The following SYNDIG1L variants were observed in gnomAD, a reference collection of about 807,000 sequenced individuals.
SYNDIG1L encodes synapse differentiation-inducing gene protein 1-like.
A neutral mutation model predicts 20.1 loss-of-function variants in SYNDIG1L; 13 were observed. The ratio of observed to expected loss-of-function variants is 0.65; its 90% confidence interval spans 0.42 to 1.03. The LOEUF (loss-of-function observed/expected upper bound fraction) is 1.03. Ranked by LOEUF, SYNDIG1L falls within the 50% of genes least tolerant of loss-of-function variation. SYNDIG1L has a pLI of 0.00. For synonymous variants in SYNDIG1L, 128 were observed against 129.3 expected (o/e 0.99, Z 0.07); for missense variants, 294 against 305.1 (o/e 0.96, Z 0.27).
the SYNDIG1L span, among the ~76,000 whole-genome samples, chr14:74,460,550 G>T: frequency 1.3e-5 from 2 of 152,224 alleles, no homozygotes; most frequent in African/African-American, 4.8e-5. Context: ...GCCTGTGACA[G>T]CGCTGGTCCA....
the SYNDIG1L span, among the ~76,000 whole-genome samples, chr14:74,431,223 A>G: frequency 6.6e-6 from 1 of 151,932 alleles, no homozygotes; most frequent in African/African-American, 2.4e-5. Context: ...GCATGTGTGT[A>G]TTTTTGCATG....
At chr14:74,436,530 C>T in the SYNDIG1L span, among the ~76,000 whole-genome samples, 65 of 152,014 alleles carry the variant, frequency 4.3e-4, no homozygotes, top group Non-Finnish European at 5.9e-4. Context: ...TGAGCCACCA[C>T]GTCTGGCCAA....
chr14:74,477,127 A>G, the SYNDIG1L span, among the ~76,000 whole-genome samples: 3 of 144,726 alleles, frequency 2.1e-5, no homozygotes, highest in African/African-American at 7.9e-5. Context: ...CAACACACAC[A>G]CACACACACA....
At chr14:74,422,716 C>T (rs1595199358) in intron 1 of SYNDIG1L, among the ~76,000 whole-genome samples, 1 of 142,774 alleles carries the variant, frequency 7.0e-6, no homozygotes. Context: ...TTTCCTTTCT[C>T]TCTTTTTTTT....
the SYNDIG1L span, among the ~76,000 whole-genome samples, chr14:74,432,140 G>GGTGT: frequency 0.11 from 13,016 of 120,830 alleles, 934 homozygotes; most frequent in Middle Eastern, 0.14. Flanking sequence ...TGCCTTGGAA[G>GGTGT]GTGTGTGTGT....
the SYNDIG1L span, among the ~76,000 whole-genome samples, chr14:74,439,131 A>AAG: frequency 6.6e-6 from 1 of 151,800 alleles, no homozygotes; most frequent in Non-Finnish European, 1.5e-5. Flanking sequence ...AAAAAAAAAA[A>AAG]AAAGGCTCAG....
rs140580043 is a variant in SYNDIG1L at position 74,414,725 on chromosome 14, T to C, written c.-57-4924A>G. 3.6e-3 allele frequency among the ~76,000 whole-genome samples: 552 copies of C among 152,330 alleles called. 3 individuals carry two copies. Among genetic ancestry groups the C allele is most frequent in the African/African-American group, 0.012 (515 of 41,570 alleles). On this transcript the variant is annotated intron_variant, in intron 1 of 3. Transcript: ENST00000331628. ...CTTACACTTACTGAGTTTTTGACCA[T>C]GTGCCGGGAACTGTTCTAAATGCTC...
chr14:74,414,195 C>T (rs1389609283), intron 1 of SYNDIG1L, among the ~76,000 whole-genome samples: 10 of 152,208 alleles, frequency 6.6e-5, no homozygotes, highest in Non-Finnish European at 4.4e-5. Context: ...TGAGGACCTA[C>T]GGGTGAGTGT....
chr14:74,444,703 A>T, the SYNDIG1L span, among the ~76,000 whole-genome samples: 1 of 152,018 alleles, frequency 6.6e-6, no homozygotes, highest in Non-Finnish European at 1.5e-5. Flanking sequence ...GCGAGTCAAG[A>T]TTGTGCCACT....
chr14:74,423,715 C>G (rs74060986), intron 1 of SYNDIG1L, among the ~76,000 whole-genome samples: 1 of 142,540 alleles, frequency 7.0e-6, no homozygotes, highest in African/African-American at 2.6e-5. Context: ...CACACACACA[C>G]GTAACACAAA....
the SYNDIG1L span, among the ~76,000 whole-genome samples, chr14:74,478,566 G>T: frequency 1.2e-4 from 18 of 152,322 alleles, no homozygotes; most frequent in South Asian, 3.5e-3. Flanking sequence ...GGGCAGAGGA[G>T]TATGCAGGGT....
intron 1 of SYNDIG1L, among the ~76,000 whole-genome samples, chr14:74,420,086 A>G (rs1385036394): frequency 6.6e-6 from 1 of 152,054 alleles, no homozygotes; most frequent in Non-Finnish European, 1.5e-5. Flanking sequence ...GAGTCCTGTT[A>G]AGAAACTATT....
chr14:74,455,020 C>T, the SYNDIG1L span, among the ~76,000 whole-genome samples: 2 of 152,176 alleles, frequency 1.3e-5, no homozygotes, highest in East Asian at 1.9e-4. Context: ...GTTGGTGAGC[C>T]TCATCCAATC....
chr14:74,477,020 T>C, the SYNDIG1L span, among the ~76,000 whole-genome samples: 1 of 141,648 alleles, frequency 7.1e-6, no homozygotes. Flanking sequence ...CAACCCTGTC[T>C]CCCCCCAGCC....
intron 1 of SYNDIG1L, among the ~76,000 whole-genome samples, chr14:74,419,106 C>T (rs1476061167): frequency 3.3e-5 from 5 of 152,124 alleles, no homozygotes; most frequent in African/African-American, 7.2e-5. Context: ...TTGTCAGAAG[C>T]TTCACTCACA....
At chr14:74,422,688 C>CT (rs1041626717) in intron 1 of SYNDIG1L, among the ~76,000 whole-genome samples, 1 of 148,794 alleles carries the variant, frequency 6.7e-6, no homozygotes, top group African/African-American at 2.5e-5. Context: ...CACAATTTCT[C>CT]TTTTTTTTCT....
intron 2 of SYNDIG1L, among the ~76,000 whole-genome samples, chr14:74,408,787 GA>G (rs1389053575): frequency 6.6e-6 from 1 of 152,006 alleles, no homozygotes; most frequent in African/African-American, 2.4e-5. Flanking sequence ...TGGGCTGGGG[GA>G]AAATGTGAAT....
the SYNDIG1L span, among the ~76,000 whole-genome samples, chr14:74,459,557 G>A: frequency 6.6e-6 from 1 of 152,164 alleles, no homozygotes; most frequent in Non-Finnish European, 1.5e-5. Flanking sequence ...GTGAGGACTT[G>A]TTCTTACTTG....
rs139498506 is a variant in SYNDIG1L, at chr14:74,408,167, A to G, written c.418-178T>C. ...GCACTTTCTACCAAAAGCCTTAACA[A>G]TGGCACAATGATTCCACTTTTAGGA... On this transcript the variant is annotated intron_variant, in intron 2 of 3. Coordinates refer to ENST00000331628, the MANE Select transcript of SYNDIG1L (RefSeq NM_001105579.2). Among the ~76,000 whole-genome samples the G allele has an allele frequency of 9.0e-4, 137 of 152,334 alleles. 1 individual carries two copies. Among genetic ancestry groups the G allele is most frequent in the African/African-American group, 3.2e-3 (132 of 41,578 alleles).
Sources: allele counts gnomAD v4.1 joint callset (sites outside exome capture counted in the v4.1 genomes callset), GRCh38; gene constraint gnomAD v4.1.1; transcripts MANE v1.5; gene names NCBI Gene and HGNC (gene_info 2026-07-23, HGNC 2026-07-21).